FMN1: variants seen among roughly 807,000 people sequenced by gnomAD.
The protein encoded by FMN1 is formin-1.
A neutral mutation model predicts 132.4 loss-of-function variants in FMN1; 110 were observed. The observed-to-expected ratio is 0.83, with a 90% CI of 0.71 to 0.97. FMN1 has a LOEUF of 0.97. Ranked by LOEUF, FMN1 falls within the 50% of genes least tolerant of loss-of-function variation. The probability of loss-of-function intolerance (pLI) is 0.00; values close to 1 mark genes in which losing one functional copy is unlikely to be tolerated. For synonymous variants in FMN1, 722 were observed against 651.7 expected (o/e 1.11, Z -1.64); for missense variants, 1,792 against 1,705.3 (o/e 1.05, Z -0.90).
chr15:33,019,386 C>T (rs900669434), intron 6 of FMN1, among the ~76,000 whole-genome samples: 1 of 152,224 alleles, frequency 6.6e-6, no homozygotes, highest in African/African-American at 2.4e-5. Context: ...TAAAGATTCT[C>T]CAAGACCCCA....
intron 3 of FMN1, among the ~76,000 whole-genome samples, chr15:33,163,827 A>G (rs1964994224): frequency 6.6e-6 from 1 of 151,908 alleles, no homozygotes; most frequent in Non-Finnish European, 1.5e-5. Flanking sequence ...CATGTTGTCC[A>G]GGCTGGTCTC....
chr15:33,006,909 A>C (rs1349316700), intron 7 of FMN1, among the ~76,000 whole-genome samples: 1 of 152,114 alleles, frequency 6.6e-6, no homozygotes, highest in African/African-American at 2.4e-5. Flanking sequence ...AAAGTGGGGA[A>C]GGATTAGGGA....
intron 4 of FMN1, among the ~76,000 whole-genome samples, chr15:33,105,248 C>T (rs1165611214): frequency 6.6e-6 from 1 of 152,040 alleles, no homozygotes; most frequent in Non-Finnish European, 1.5e-5. Context: ...CAGGGGTCAT[C>T]CCTCAGAATT....
chr15:32,938,174 G>A (rs189357217), intron 9 of FMN1, among the ~76,000 whole-genome samples: 58 of 152,064 alleles, frequency 3.8e-4, no homozygotes, highest in African/African-American at 1.4e-3. Context: ...TGCAGGCAGA[G>A]CCATTTCTAA....
chr15:33,114,358 T>C (rs552521126), intron 4 of FMN1, among the ~76,000 whole-genome samples: 1 of 152,228 alleles, frequency 6.6e-6, no homozygotes, highest in African/African-American at 2.4e-5. Flanking sequence ...AATTGGCCTC[T>C]GGCTGCCTGA....
At chr15:33,140,735 C>T (rs1034302850) in intron 4 of FMN1, among the ~76,000 whole-genome samples, 3 of 152,094 alleles carry the variant, frequency 2.0e-5, no homozygotes, top group African/African-American at 7.2e-5. Context: ...TGTGCTAGGT[C>T]TTGACAGATG....
At chr15:33,050,733 A>C (rs554183041) in intron 6 of FMN1, among the ~76,000 whole-genome samples, 4 of 152,228 alleles carry the variant, frequency 2.6e-5, no homozygotes, top group African/African-American at 2.4e-5. Context: ...CAAGGTACTC[A>C]CAGGTATGCA....
At chr15:32,872,817 G>A (rs927992685) in intron 16 of FMN1, among the ~76,000 whole-genome samples, 4 of 152,038 alleles carry the variant, frequency 2.6e-5, no homozygotes, top group Admixed American at 6.6e-5. Flanking sequence ...CCATGTTCCC[G>A]TTTCAGCCCT....
At chr15:33,010,589 G>T (rs1363062254) in intron 6 of FMN1, among the ~76,000 whole-genome samples, 1 of 152,066 alleles carries the variant, frequency 6.6e-6, no homozygotes. Flanking sequence ...ACTAGCAGAT[G>T]TAATGGATGA....
intron 4 of FMN1, among the ~76,000 whole-genome samples, chr15:33,107,674 G>C (rs540455115): frequency 2.6e-5 from 4 of 151,982 alleles, no homozygotes; most frequent in East Asian, 1.9e-4. Context: ...AATATCCTTC[G>C]AGCAGAAAGG....
chr15:33,062,579 G>A (rs1160860510), intron 6 of FMN1: 2 of 152,162 alleles, frequency 1.3e-5, no homozygotes, highest in African/African-American at 4.8e-5. Context: ...CCAAGATGGT[G>A]CCACTGCACT....
chr15:32,804,439 G>GGGC, intron 17 of FMN1, 107 bp from the exon 18 acceptor site: 1 of 17,982 alleles, frequency 5.6e-5, no homozygotes, highest in African/African-American at 3.5e-4. Flanking sequence ...TCTGAATTCG[G>GGGC]GGGGGGGGGG....
At chr15:32,985,185 T>G (rs891807897) in intron 7 of FMN1, among the ~76,000 whole-genome samples, 4 of 152,112 alleles carry the variant, frequency 2.6e-5, no homozygotes, top group Non-Finnish European at 5.9e-5. Context: ...AATGCTCACA[T>G]AGATAACTAA....
Position 33,154,185 on chromosome 15 carries a change from G to A in FMN1, c.730C>T (p.Pro244Ser), listed in dbSNP as rs1277421935. The A allele has an allele frequency of 6.5e-7, 1 of 1,536,422 alleles. No individual in the cohort carries two copies. The highest frequency in any genetic ancestry group is 2.0e-5 in the Admixed American group (1 of 50,996). ...ESCPPDIPKTPDTDLGFGSFE... is the reference protein window; with the variant it reads ...ESCPPDIPKTSDTDLGFGSFE... ...CTCCCAAAGCCAAGGTCTGTGTCTG[G>A]CGTCTTGGGAATATCTGGGGGGCAG... Residue 244 changes from proline to serine, a missense_variant, in exon 4 of 21, where the codon CCA (proline) becomes TCA (serine). Pro to Ser is a moderately conservative substitution (Grantham distance 74, BLOSUM62 -1). Transcript: ENST00000616417.
At chr15:32,932,940 G>A (rs575789082) in intron 9 of FMN1, among the ~76,000 whole-genome samples, 1 of 151,924 alleles carries the variant, frequency 6.6e-6, no homozygotes, top group Non-Finnish European at 1.5e-5. Context: ...AACCAACTCG[G>A]TTGTGTTGAC....
At chr15:32,899,440 A>AC (rs1294404563) in intron 14 of FMN1, among the ~76,000 whole-genome samples, 2 of 151,530 alleles carry the variant, frequency 1.3e-5, no homozygotes, top group African/African-American at 4.9e-5. Context: ...CCCTCCCTGC[A>AC]CCCCCCTGCC....
chr15:32,878,129 G>A (rs1413847498), intron 16 of FMN1, among the ~76,000 whole-genome samples: 1 of 152,166 alleles, frequency 6.6e-6, no homozygotes, highest in Non-Finnish European at 1.5e-5. Flanking sequence ...CTCAGAGCAT[G>A]GGCCTATCTG....
At chr15:33,033,266 G>A (rs1158539287) in intron 6 of FMN1, among the ~76,000 whole-genome samples, 1 of 152,160 alleles carries the variant, frequency 6.6e-6, no homozygotes, top group Non-Finnish European at 1.5e-5. Flanking sequence ...TCCTGACCTT[G>A]TGATCCGCCC....
At chr15:32,867,166 T>C (rs990930562) in intron 16 of FMN1, among the ~76,000 whole-genome samples, 2 of 152,218 alleles carry the variant, frequency 1.3e-5, no homozygotes, top group African/African-American at 4.8e-5. Context: ...ATATCCACCC[T>C]GCCTCTCTCT....
Sources: gnomAD v4.1 joint callset for allele counts (sites outside exome capture counted in the v4.1 genomes callset) on GRCh38, gnomAD v4.1.1 for gene constraint, MANE v1.5 for transcripts, NCBI Gene and HGNC (gene_info 2026-07-23, HGNC 2026-07-21) for gene names.